RIPOR2: variants seen among roughly 807,000 people sequenced by gnomAD.
RIPOR2 encodes rho family-interacting cell polarization regulator 2.
A neutral mutation model predicts 114.5 loss-of-function variants in RIPOR2; 39 were observed. That is an observed-to-expected ratio of 0.34 (90% CI 0.26 to 0.44). The LOEUF (loss-of-function observed/expected upper bound fraction) is 0.44. Among genes scored for constraint, RIPOR2 ranks in the 20% least tolerant of loss-of-function variants. The pLI is 1.00. For missense variants in RIPOR2, 1,007 were observed against 1,255.1 expected (o/e 0.80, Z 2.99); for synonymous variants, 445 against 484.4 (o/e 0.92, Z 1.07).
chr6:24,882,143 C>T (rs1032203488), intron 1 of RIPOR2, among the ~76,000 whole-genome samples: 30 of 152,242 alleles, frequency 2.0e-4, no homozygotes, highest in Admixed American at 1.7e-3. Context: ...GTAAAAGTGA[C>T]GGGGAAATGT....
chr6:24,945,945 C>T (rs1772382730), intron 1 of RIPOR2, among the ~76,000 whole-genome samples: 1 of 151,992 alleles, frequency 6.6e-6, no homozygotes, highest in African/African-American at 2.4e-5. Context: ...CTCACTGTAG[C>T]AAAAGTAATA....
chr6:25,023,625 G>C, intron 1 of RIPOR2: 1 of 763,694 alleles, frequency 1.3e-6, no homozygotes, highest in Non-Finnish European at 2.4e-6. Flanking sequence ...GTGTGGTAAA[G>C]GATGGTGCCT....
At chr6:24,925,229 G>A (rs773546374) in intron 1 of RIPOR2, among the ~76,000 whole-genome samples, 1 of 152,188 alleles carries the variant, frequency 6.6e-6, no homozygotes, top group African/African-American at 2.4e-5. Context: ...GTTACCTGGT[G>A]GGTCATAAAG....
chr6:24,940,940 C>A (rs139614376), upstream of RIPOR2, among the ~76,000 whole-genome samples: 471 of 152,318 alleles, frequency 3.1e-3, 4 homozygotes, highest in African/African-American at 0.01. Flanking sequence ...AGGCGTGAGC[C>A]ACTGCGCCTG....
intron 15 of RIPOR2, among the ~76,000 whole-genome samples, chr6:24,833,748 A>G (rs574783811): frequency 7.4e-4 from 113 of 152,320 alleles, no homozygotes; most frequent in South Asian, 4.1e-3. Context: ...CATTCCTTCA[A>G]TCTACATCTT....
rs543656175 is a variant in RIPOR2 at position 24,872,842 on chromosome 6, A to G, written c.423+39T>C. On this transcript the variant is annotated intron_variant, in intron 4 of 21. Transcript: ENST00000643898. ...AGTAAAAGAAGCTATTTGGCTAAAA[A>G]GAACAGTGTTAACATCATAATGACT... is the stretch of plus-strand genomic sequence containing the variant. 5.8e-6 allele frequency: 8 copies of G among 1,376,558 alleles called. No individual in the cohort carries two copies. The South Asian group carries it at 9.4e-5, about 16-fold the overall frequency. 85.3% of individuals were successfully genotyped at this position (1,376,558 alleles called of 1,614,324 possible).
chr6:24,997,051 A>G (rs1420481438), intron 1 of RIPOR2, among the ~76,000 whole-genome samples: 1 of 152,236 alleles, frequency 6.6e-6, no homozygotes, highest in African/African-American at 2.4e-5. Context: ...TCAAATGTGA[A>G]TTACTAACTA....
intron 1 of RIPOR2, among the ~76,000 whole-genome samples, chr6:25,013,413 G>T (rs1301015184): frequency 6.6e-6 from 1 of 152,132 alleles, no homozygotes; most frequent in Admixed American, 6.5e-5. Flanking sequence ...GCTATAGCGG[G>T]GTGTGGACTG....
chr6:24,889,518 T>C (rs1767127636), intron 1 of RIPOR2, among the ~76,000 whole-genome samples: 3 of 152,216 alleles, frequency 2.0e-5, no homozygotes, highest in Non-Finnish European at 4.4e-5. Flanking sequence ...ATAACTATTA[T>C]GAAAATTAAT....
chr6:24,865,163 T>C (rs1764461110), intron 7 of RIPOR2, 138 bp downstream of exon 7: 1 of 665,352 alleles, frequency 1.5e-6, no homozygotes, highest in Non-Finnish European at 2.4e-6. Context: ...GCATACTTTT[T>C]AGGCTAACAG....
intron 1 of RIPOR2, among the ~76,000 whole-genome samples, chr6:24,895,351 T>A (rs1315281107): frequency 1.3e-5 from 2 of 151,972 alleles, no homozygotes; most frequent in East Asian, 3.9e-4. Flanking sequence ...ACCCGGCACC[T>A]GGGGAGCTTT....
chr6:24,858,176 C>A lies in RIPOR2; in HGVS notation c.715+2797G>T, dbSNP rs1225639578. ...TCATTTGTTCCATTGAATGAGAATG[C>A]ACAGCCTCATATGTCTGTTTTCTCT... On this transcript the variant is annotated intron_variant, in intron 8 of 21. Transcript: ENST00000643898. The surrounding 1 kb of genome is among the most constrained non-coding windows in gnomAD (Gnocchi z 4.0). Among the ~76,000 whole-genome samples the A allele has an allele frequency of 6.6e-6, 1 of 152,196 alleles. No homozygotes were observed. The highest frequency in any genetic ancestry group is 1.5e-5 in the Non-Finnish European group (1 of 68,036).
intron 1 of RIPOR2, among the ~76,000 whole-genome samples, chr6:24,893,003 C>T (rs1048123911): frequency 2.6e-5 from 4 of 152,074 alleles, no homozygotes; most frequent in East Asian, 3.8e-4. Flanking sequence ...CTGACTCCAG[C>T]GTGGGCAACA....
chr6:25,019,054 A>G (rs966240180), intron 1 of RIPOR2, among the ~76,000 whole-genome samples: 1 of 152,214 alleles, frequency 6.6e-6, no homozygotes, highest in East Asian at 1.9e-4. Flanking sequence ...TATGTGATCA[A>G]TCTCTTTAAA....
chr6:24,827,472 T>C (rs940936245), intron 18 of RIPOR2, among the ~76,000 whole-genome samples: 18 of 152,230 alleles, frequency 1.2e-4, no homozygotes, highest in African/African-American at 4.1e-4. Flanking sequence ...CTTGTCCCTT[T>C]TAACCTGCAT....
chr6:24,932,917 T>A (rs564403840), intron 1 of RIPOR2, among the ~76,000 whole-genome samples: 1 of 152,208 alleles, frequency 6.6e-6, no homozygotes, highest in African/African-American at 2.4e-5. Context: ...GGTAGATACA[T>A]CATTTTGAAG....
chr6:24,818,548 G>A lies in RIPOR2; in HGVS notation c.2946C>T (p.Ile982=). The A allele has an allele frequency of 6.5e-7, 1 of 1,548,794 alleles. No individual in the cohort carries two copies. Among genetic ancestry groups the A allele is most frequent in the Non-Finnish European group, 8.7e-7 (1 of 1,144,996 alleles). The change falls in exon 20 of 22, where the codon ATC becomes ATT. Residue 982 remains isoleucine, a synonymous_variant. Coordinates refer to ENST00000643898, the MANE Select transcript of RIPOR2 (RefSeq NM_001286445.3). The part of the protein sequence containing the change: ...LQKAACLALK[I]LEATESIKML... ...CTCCAAGGCTGGGCTTTACCTCAAGGATTTTCAGAGCCAGGCAAGCTGCTT... is the reference window on the plus strand; with the variant it reads ...CTCCAAGGCTGGGCTTTACCTCAAGAATTTTCAGAGCCAGGCAAGCTGCTT...
upstream of RIPOR2, among the ~76,000 whole-genome samples, chr6:24,937,275 A>G (rs1771866324): frequency 6.6e-6 from 1 of 152,128 alleles, no homozygotes; most frequent in South Asian, 2.1e-4. Context: ...TGGGTGGCAC[A>G]ATGACTGGGG....
At chr6:25,005,427 CAAT>C (rs1337371928) in intron 1 of RIPOR2, among the ~76,000 whole-genome samples, 5 of 151,934 alleles carry the variant, frequency 3.3e-5, no homozygotes, top group Non-Finnish European at 5.9e-5. Flanking sequence ...ATCTATACAA[CAAT>C]GATATTTTGT....
Sources: gnomAD v4.1 joint callset for allele counts (sites outside exome capture counted in the v4.1 genomes callset) on GRCh38, gnomAD v4.1.1 for gene constraint, Gnocchi (gnomAD v3.1) non-coding constraint, MANE v1.5 for transcripts, NCBI Gene and HGNC (gene_info 2026-07-23, HGNC 2026-07-21) for gene names.